Variants in FSTL5 observed in about 807,000 individuals in gnomAD.
FSTL5 encodes the protein follistatin-related protein 5.
FSTL5 carries 62 observed loss-of-function variants against 89.1 expected under a neutral mutation model. That is an observed-to-expected ratio of 0.70 (90% CI 0.57 to 0.86). The LOEUF is 0.86. Ranked by LOEUF, FSTL5 falls within the 40% of genes least tolerant of loss-of-function variation. The pLI is 0.00. For synonymous variants in FSTL5, 383 were observed against 346.2 expected, an observed-to-expected ratio of 1.11 and a Z score of -1.18; for missense variants, 1,057 against 1,001.6, an observed-to-expected ratio of 1.06 and a Z score of -0.75.
At chr4:161,806,332 T>A (rs1425945129) in intron 4 of FSTL5, among the ~76,000 whole-genome samples, 1 of 152,118 alleles carries the variant, frequency 6.6e-6, no homozygotes, top group Admixed American at 6.6e-5. Flanking sequence ...TTCTGCAGAG[T>A]ATGTTGGAGT....
rs542803712 is a variant in FSTL5 at position 161,945,911 on chromosome 4, C to T, written c.161-25259G>A. On this transcript the variant is annotated intron_variant, in intron 3 of 15. Transcript: ENST00000306100. ...GTTTATCATGTACCCCATACATCTG[C>T]ACAAATAAAAAATGAGAAGTCTTTA... 7.2e-5 allele frequency among the ~76,000 whole-genome samples: 11 copies of T among 152,158 alleles called. No individual in the cohort carries two copies. In the East Asian group the frequency reaches 2.1e-3, roughly 29 times the overall value.
intron 4 of FSTL5, among the ~76,000 whole-genome samples, chr4:161,904,698 A>G (rs1003529446): frequency 4.0e-5 from 6 of 151,848 alleles, no homozygotes; most frequent in African/African-American, 1.4e-4. Context: ...AGAAAAAAAT[A>G]TTAAAATTAG....
chr4:161,731,093 C>CTATT (rs1739590988), intron 6 of FSTL5, among the ~76,000 whole-genome samples: 1 of 152,136 alleles, frequency 6.6e-6, no homozygotes, highest in African/African-American at 2.4e-5. Context: ...ATCAATATAT[C>CTATT]TATTTTGCAC....
At chr4:161,963,016 G>C (rs1735224907) in intron 3 of FSTL5, among the ~76,000 whole-genome samples, 1 of 151,924 alleles carries the variant, frequency 6.6e-6, no homozygotes, top group South Asian at 2.1e-4. Context: ...TTTGCCACTT[G>C]CTAGCTGTAT....
chr4:161,613,928 G>A (rs958136991), intron 7 of FSTL5, among the ~76,000 whole-genome samples: 19 of 149,338 alleles, frequency 1.3e-4, no homozygotes, highest in Middle Eastern at 3.8e-3. Context: ...CATCACTGAC[G>A]AAATCATGTT....
chr4:162,019,736 TTC>T (rs923776985), intron 3 of FSTL5, among the ~76,000 whole-genome samples: 23 of 147,308 alleles, frequency 1.6e-4, no homozygotes, highest in Admixed American at 2.1e-4. Flanking sequence ...AATAAACTGG[TTC>T]TCTCTCTCTC....
chr4:161,721,292 A>AAAG (rs1739202688), intron 6 of FSTL5, among the ~76,000 whole-genome samples: 1 of 150,718 alleles, frequency 6.6e-6, no homozygotes, highest in African/African-American at 2.4e-5. Flanking sequence ...CTCAAAAAAA[A>AAAG]AAAAAAAAAA....
chr4:161,990,467 T>G (rs1736080294), intron 3 of FSTL5, among the ~76,000 whole-genome samples: 2 of 152,096 alleles, frequency 1.3e-5, no homozygotes, highest in East Asian at 3.8e-4. Flanking sequence ...AATACTACCT[T>G]TTAGATAATA....
intron 3 of FSTL5, among the ~76,000 whole-genome samples, chr4:161,994,257 A>G (rs1307718143): frequency 6.6e-6 from 1 of 152,178 alleles, no homozygotes; most frequent in Admixed American, 6.5e-5. Flanking sequence ...TCCATGGTGT[A>G]TATGTACCAC....
At chr4:161,587,131 A>G (rs1733641248) in intron 8 of FSTL5, among the ~76,000 whole-genome samples, 1 of 152,150 alleles carries the variant, frequency 6.6e-6, no homozygotes, top group Non-Finnish European at 1.5e-5. Flanking sequence ...TGATCTGCTT[A>G]AAATTTTTGT....
intron 2 of FSTL5, among the ~76,000 whole-genome samples, chr4:162,051,623 A>G (rs926966998): frequency 6.6e-6 from 1 of 151,586 alleles, no homozygotes; most frequent in African/African-American, 2.4e-5. Flanking sequence ...AATTGGAGAA[A>G]TTATACATAT....
chr4:161,701,959 T>C (rs1738406543), intron 6 of FSTL5, among the ~76,000 whole-genome samples: 2 of 152,174 alleles, frequency 1.3e-5, no homozygotes, highest in Non-Finnish European at 2.9e-5. Flanking sequence ...ATTACAATGA[T>C]ATACTTTTTA....
chr4:161,990,649 T>C (rs1736085448), intron 3 of FSTL5, among the ~76,000 whole-genome samples: 1 of 152,054 alleles, frequency 6.6e-6, no homozygotes, highest in Non-Finnish European at 1.5e-5. Flanking sequence ...ATATGAAAAT[T>C]TATAGTTTGA....
intron 4 of FSTL5, among the ~76,000 whole-genome samples, chr4:161,836,221 G>A (rs931353281): frequency 6.9e-6 from 1 of 145,450 alleles, no homozygotes; most frequent in African/African-American, 2.6e-5. Context: ...AACAACCACT[G>A]CATATTCTCA....
intron 3 of FSTL5, among the ~76,000 whole-genome samples, chr4:161,990,947 ACACAG>A (rs1286625333): frequency 6.6e-6 from 1 of 152,162 alleles, no homozygotes; most frequent in Non-Finnish European, 1.5e-5. Flanking sequence ...GAAGATTAAA[ACACAG>A]CAGCTACTAG....
At chr4:161,753,568 TCAAA>T (rs566253556) in intron 6 of FSTL5, among the ~76,000 whole-genome samples, 145 of 152,316 alleles carry the variant, frequency 9.5e-4, no homozygotes, top group African/African-American at 3.2e-3. Flanking sequence ...GCTATTTTTC[TCAAA>T]CAAAGGTTTT....
At chr4:161,756,671 T>C (rs1283842270) in intron 6 of FSTL5, among the ~76,000 whole-genome samples, 1 of 152,110 alleles carries the variant, frequency 6.6e-6, no homozygotes, top group African/African-American at 2.4e-5. Context: ...ATTTTTCCCC[T>C]TGACAGGTGC....
intron 3 of FSTL5, among the ~76,000 whole-genome samples, chr4:161,956,074 C>T (rs1320626185): frequency 6.6e-6 from 1 of 151,722 alleles, no homozygotes; most frequent in African/African-American, 2.4e-5. Flanking sequence ...AGCTGTTGTA[C>T]CAGTTACCCA....
intron 2 of FSTL5, among the ~76,000 whole-genome samples, chr4:162,094,197 G>A (rs1160304387): frequency 6.6e-6 from 1 of 152,032 alleles, no homozygotes; most frequent in Non-Finnish European, 1.5e-5. Flanking sequence ...GACCATCCTG[G>A]CTAACAGGGT....
Sources: allele counts gnomAD v4.1 joint callset (sites outside exome capture counted in the v4.1 genomes callset), GRCh38; gene constraint gnomAD v4.1.1; transcripts MANE v1.5; gene names NCBI Gene and HGNC (gene_info 2026-07-23, HGNC 2026-07-21).